The following C2orf76 variants were observed in gnomAD, a reference collection of about 807,000 sequenced individuals.
C2orf76 encodes chromosome 2 open reading frame 76, also known as UPF0538 protein C2orf76.
C2orf76 carries 23 observed loss-of-function variants against 16.9 expected under a neutral mutation model. The ratio of observed to expected loss-of-function variants is 1.36; its 90% CI spans 0.98 to 1.93. C2orf76 has a LOEUF of 1.93. Among genes scored for constraint, C2orf76 ranks in the 30% most tolerant of loss-of-function variants. C2orf76 has a pLI of 0.00. For synonymous variants in C2orf76, 48 were observed against 52.3 expected, an observed-to-expected ratio of 0.92 and a Z score of 0.35; for missense variants, 152 against 152.6, an observed-to-expected ratio of 1.00 and a Z score of 0.02.
intron 5 of C2orf76, among the ~76,000 whole-genome samples, chr2:119,305,369 G>A (rs1573616633): frequency 6.6e-6 from 1 of 151,974 alleles, no homozygotes; most frequent in East Asian, 1.9e-4. Flanking sequence ...AAGAACAATC[G>A]ATTTTAAGTA....
At chr2:119,288,574 A>G in the C2orf76 span, among the ~76,000 whole-genome samples, 1 of 152,070 alleles carries the variant, frequency 6.6e-6, no homozygotes, top group South Asian at 2.1e-4. Context: ...TCATGAAGAC[A>G]AAGAGACCCA....
intron 4 of C2orf76, among the ~76,000 whole-genome samples, chr2:119,313,347 G>A (rs1679058314): frequency 6.6e-6 from 1 of 152,098 alleles, no homozygotes; most frequent in Admixed American, 6.6e-5. Context: ...CAGCACTTTG[G>A]GAGGCCAAGG....
upstream of C2orf76, chr2:119,366,861 A>C (rs1229384483): frequency 2.5e-5 from 18 of 720,168 alleles, no homozygotes; most frequent in East Asian, 2.3e-4. Context: ...GGGCGGGGCT[A>C]GCGCCGCGGC....
At chr2:119,360,512 CT>C (rs1300575281) in intron 1 of C2orf76, among the ~76,000 whole-genome samples, 2 of 148,294 alleles carry the variant, frequency 1.3e-5, no homozygotes, top group Non-Finnish European at 3.0e-5. Flanking sequence ...ATATATACAC[CT>C]GTTTGACATA....
chr2:119,302,067 A>T (rs1385716766), downstream of C2orf76, among the ~76,000 whole-genome samples: 1 of 152,190 alleles, frequency 6.6e-6, no homozygotes, highest in African/African-American at 2.4e-5. Context: ...GTAGCCACAG[A>T]CAGAAACAGT....
intron 1 of C2orf76, among the ~76,000 whole-genome samples, chr2:119,360,017 G>T (rs1032908028): frequency 5.3e-5 from 8 of 152,120 alleles, no homozygotes; most frequent in Non-Finnish European, 1.2e-4. Flanking sequence ...ATCATTGTTA[G>T]CTTATTTTAA....
At chr2:119,324,404 C>T (rs753535768) in intron 2 of C2orf76, among the ~76,000 whole-genome samples, 1 of 152,132 alleles carries the variant, frequency 6.6e-6, no homozygotes, top group African/African-American at 2.4e-5. Flanking sequence ...TGTCTTTTAA[C>T]TTATTTTTGT....
intron 3 of C2orf76, among the ~76,000 whole-genome samples, chr2:119,317,758 A>T (rs1012270232): frequency 6.6e-6 from 1 of 152,072 alleles, no homozygotes; most frequent in Admixed American, 6.6e-5. Context: ...CTTTTTGTCA[A>T]CTCAGCACAT....
At chr2:119,284,195 A>G in the C2orf76 span, among the ~76,000 whole-genome samples, 1 of 152,094 alleles carries the variant, frequency 6.6e-6, no homozygotes, top group African/African-American at 2.4e-5. Flanking sequence ...CATCCTCCCA[A>G]TCGTCATAGC....
intron 5 of C2orf76, among the ~76,000 whole-genome samples, chr2:119,308,400 G>C (rs1678867217): frequency 6.6e-6 from 1 of 152,222 alleles, no homozygotes. Context: ...CAGCACTTTG[G>C]GAGGCCAAGG....
At chr2:119,339,441 C>T (rs1679953927) in intron 2 of C2orf76, among the ~76,000 whole-genome samples, 1 of 152,152 alleles carries the variant, frequency 6.6e-6, no homozygotes, top group Non-Finnish European at 1.5e-5. Context: ...CCCCTCCCAC[C>T]ACACTTCCCC....
chr2:119,331,344 C>A (rs1483934375), intron 2 of C2orf76, among the ~76,000 whole-genome samples: 1 of 152,200 alleles, frequency 6.6e-6, no homozygotes, highest in Non-Finnish European at 1.5e-5. Context: ...AAGGTTTCCA[C>A]TCCAACAGGT....
At chr2:119,288,380 G>A in the C2orf76 span, among the ~76,000 whole-genome samples, 9 of 151,708 alleles carry the variant, frequency 5.9e-5, no homozygotes, top group South Asian at 4.2e-4. Context: ...TCCTGACCTC[G>A]TGATCCACCC....
rs56669262 is a variant in C2orf76 at position 119,346,054 on chromosome 2, CAAAAAAA to C, written c.-12-6090_-12-6084del. 1.4e-4 allele frequency among the ~76,000 whole-genome samples: 10 copies of C among 73,568 alleles called. No homozygotes were observed. The South Asian group carries it at 2.1e-3, about 15-fold the overall frequency. 48.3% of individuals were successfully genotyped at this position (73,568 alleles called of 152,430 possible). On this transcript the variant is annotated intron_variant, in intron 1 of 5. Coordinates refer to ENST00000334816, the MANE Select transcript of C2orf76 (RefSeq NM_001322331.2). ...TGGGCGACAGAGTGAGACGCCATCT[CAAAAAAA>C]AAAAAAAAAAAAAAAGAATAAAATT... is the stretch of plus-strand genomic sequence containing the variant.
At chr2:119,338,624 A>C (rs1178183011) in intron 2 of C2orf76, among the ~76,000 whole-genome samples, 1 of 152,214 alleles carries the variant, frequency 6.6e-6, no homozygotes, top group Non-Finnish European at 1.5e-5. Context: ...AGAAAGTCCG[A>C]GGAAACTGAG....
intron 2 of C2orf76, among the ~76,000 whole-genome samples, chr2:119,323,278 G>A (rs184332455): frequency 2.3e-4 from 35 of 151,598 alleles, no homozygotes; most frequent in East Asian, 1.9e-3. Flanking sequence ...ACCTCGCCCC[G>A]AAAGTGCTGG....
intron 4 of C2orf76, 102 bp from the exon 5 acceptor site, chr2:119,311,805 A>G: frequency 9.5e-7 from 1 of 1,054,396 alleles, no homozygotes; most frequent in Non-Finnish European, 1.4e-6. Flanking sequence ...CACAGCAATA[A>G]TCTAAGTAGA....
chr2:119,309,746 G>A (rs1322682877), intron 5 of C2orf76, among the ~76,000 whole-genome samples: 3 of 152,074 alleles, frequency 2.0e-5, no homozygotes, highest in Non-Finnish European at 2.9e-5. Context: ...TTTATCTGTT[G>A]TATATGCTGC....
At chr2:119,353,930 G>A (rs959373297) in intron 1 of C2orf76, among the ~76,000 whole-genome samples, 1 of 152,024 alleles carries the variant, frequency 6.6e-6, no homozygotes, top group African/African-American at 2.4e-5. Context: ...GCTGGTTGAA[G>A]GTACAGTTGA....
Sources: gnomAD v4.1 joint callset for allele counts (sites outside exome capture counted in the v4.1 genomes callset) on GRCh38, gnomAD v4.1.1 for gene constraint, MANE v1.5 for transcripts, NCBI Gene and HGNC (gene_info 2026-07-23, HGNC 2026-07-21) for gene names.